ZNF670: variants seen among roughly 807,000 people sequenced by gnomAD.
The protein encoded by ZNF670 is zinc finger protein 670.
In ZNF670, 7 loss-of-function variants were observed where a neutral mutation model predicts 10.9. The ratio of observed to expected loss-of-function variants is 0.64; its 90% CI spans 0.36 to 1.20. ZNF670 has a LOEUF of 1.20. Ranked by LOEUF, ZNF670 falls within the 50% of genes most tolerant of loss-of-function variation. The pLI, the probability that ZNF670 is intolerant of heterozygous loss-of-function variation, is 0.02. For synonymous variants in ZNF670, 136 were observed against 152.7 expected, an observed-to-expected ratio of 0.89 and a Z score of 0.81; for missense variants, 446 against 458.6, an observed-to-expected ratio of 0.97 and a Z score of 0.25.
chr1:247,067,049 C>T (rs1393890344), intron 1 of ZNF670, among the ~76,000 whole-genome samples: 3 of 152,158 alleles, frequency 2.0e-5, no homozygotes, highest in Non-Finnish European at 4.4e-5. Flanking sequence ...GCTGTGCCCC[C>T]AACTACCACA....
chr1:247,073,261 T>C (rs4925614), intron 1 of ZNF670, among the ~76,000 whole-genome samples: 35,813 of 152,092 alleles, frequency 0.24, 4,752 homozygotes, highest in Middle Eastern at 0.36. Context: ...CTTAAATACT[T>C]ACCCAAACTG....
chr1:247,078,111 TC>T lies in ZNF670; in HGVS notation c.3+482del, dbSNP rs1415152499. On this transcript the variant is annotated intron_variant, in intron 1 of 3. Coordinates refer to ENST00000366503, the MANE Select transcript of ZNF670 (RefSeq NM_033213.5). ...TTTAATTGGGTTTGCTTCCTCGGGTTCCTTACAAAAAACCCTTTCCTTCCCC... is the reference window on the plus strand; with the variant it reads ...TTTAATTGGGTTTGCTTCCTCGGGTTCTTACAAAAAACCCTTTCCTTCCCC... Among the ~76,000 whole-genome samples, 5 of 152,222 alleles carry T rather than the reference TC, an allele frequency of 3.3e-5. No homozygotes were observed. The East Asian group carries it at 9.6e-4, about 29-fold the overall frequency.
chr1:247,046,808 A>C (rs1048335328), intron 1 of ZNF670, among the ~76,000 whole-genome samples: 1 of 152,080 alleles, frequency 6.6e-6, no homozygotes, highest in Non-Finnish European at 1.5e-5. Context: ...CAAGCATTTG[A>C]CTCTAGTATG....
intron 1 of ZNF670, among the ~76,000 whole-genome samples, chr1:247,059,517 C>A (rs1442699139): frequency 6.6e-6 from 1 of 151,762 alleles, no homozygotes; most frequent in Non-Finnish European, 1.5e-5. Context: ...AAAATATACA[C>A]CCACCCAAAT....
At chr1:247,063,314 C>A (rs183983116) in intron 1 of ZNF670, among the ~76,000 whole-genome samples, 1 of 152,268 alleles carries the variant, frequency 6.6e-6, no homozygotes, top group Non-Finnish European at 1.5e-5. Context: ...TGGCTCACGC[C>A]TGTAATCCCA....
chr1:247,064,710 G>T (rs1180184394), intron 1 of ZNF670, among the ~76,000 whole-genome samples: 4 of 152,236 alleles, frequency 2.6e-5, no homozygotes, highest in African/African-American at 9.6e-5. Flanking sequence ...GCGGGAGCCA[G>T]ACCTCTGCAA....
chr1:247,076,535 C>T (rs1418895461), intron 1 of ZNF670, among the ~76,000 whole-genome samples: 3 of 152,158 alleles, frequency 2.0e-5, no homozygotes, highest in African/African-American at 7.2e-5. Context: ...GGATTACAGG[C>T]GTGAGCCACC....
At chr1:247,038,504 G>C (rs1572554151) in intron 3 of ZNF670, 77 bp from the exon 4 acceptor site, 2 of 1,397,354 alleles carry the variant, frequency 1.4e-6, no homozygotes, top group Non-Finnish European at 1.9e-6. Context: ...GAAAATGCAA[G>C]TTTCCTGCCA....
intron 1 of ZNF670, among the ~76,000 whole-genome samples, chr1:247,074,011 T>A (rs74765136): frequency 0.014 from 2,191 of 152,228 alleles, 30 homozygotes; most frequent in Non-Finnish European, 0.02. Flanking sequence ...ATGGGGTGAG[T>A]AGGTAATCCT....
intron 1 of ZNF670, among the ~76,000 whole-genome samples, chr1:247,076,502 C>T (rs1018746974): frequency 1.2e-4 from 18 of 152,070 alleles, no homozygotes; most frequent in African/African-American, 3.9e-4. Flanking sequence ...GTGATCCGCC[C>T]GCCTCGGCCT....
At chr1:247,049,323 C>T (rs1670537430) in intron 1 of ZNF670, among the ~76,000 whole-genome samples, 1 of 152,068 alleles carries the variant, frequency 6.6e-6, no homozygotes, top group African/African-American at 2.4e-5. Flanking sequence ...ACCTCGGCTT[C>T]CCAAAGTGCT....
intron 1 of ZNF670, among the ~76,000 whole-genome samples, chr1:247,045,935 G>A (rs1020044764): frequency 2.0e-5 from 3 of 152,182 alleles, no homozygotes; most frequent in Admixed American, 2.0e-4. Context: ...GGTCACCCAT[G>A]TTACACCCTG....
At chr1:247,043,804 T>C (rs970272869) in intron 1 of ZNF670, 2 of 365,640 alleles carry the variant, frequency 5.5e-6, no homozygotes, top group Middle Eastern at 4.8e-4. Context: ...GTTTGATCCA[T>C]TTACTGTTCC....
At chr1:247,058,852 T>C (rs1048518838) in intron 1 of ZNF670, among the ~76,000 whole-genome samples, 1 of 152,014 alleles carries the variant, frequency 6.6e-6, no homozygotes, top group Admixed American at 6.5e-5. Flanking sequence ...AATAGGTCTA[T>C]ACGTATTTTT....
chr1:247,051,265 A>C (rs1227984728), intron 1 of ZNF670, among the ~76,000 whole-genome samples: 1 of 132,134 alleles, frequency 7.6e-6, no homozygotes, highest in Non-Finnish European at 1.6e-5. Flanking sequence ...AAGAAAAAAA[A>C]AAACAAAAAA....
intron 1 of ZNF670, among the ~76,000 whole-genome samples, chr1:247,042,309 C>A (rs776647104): frequency 6.6e-6 from 1 of 152,132 alleles, no homozygotes; most frequent in Non-Finnish European, 1.5e-5. Flanking sequence ...CAAGTCATTG[C>A]GAGAGAAGAC....
In ZNF670 at chr1:247,053,753, A is replaced by C. The variant is rs114017916; in HGVS notation, c.4-14216T>G. ...TGAAAAATTTAAAAACAAAACAAAC[A>C]AACAAAAAACCTAGTAACAGGAGAG... On this transcript the variant is annotated intron_variant, in intron 1 of 3. Transcript: ENST00000366503. Among the ~76,000 whole-genome samples the C allele has an allele frequency of 4.8e-3, 730 of 152,372 alleles. 4 individuals carry two copies. Among genetic ancestry groups the C allele is most frequent in the African/African-American group, 0.017 (705 of 41,586 alleles).
At chr1:247,043,860 T>C (rs572979748) in intron 1 of ZNF670, 13 of 335,692 alleles carry the variant, frequency 3.9e-5, no homozygotes, top group Non-Finnish European at 7.5e-5. Context: ...TTTCCACTAA[T>C]GAAGAGGAAA....
chr1:247,061,183 A>ATTTTT (rs778969843), intron 1 of ZNF670, among the ~76,000 whole-genome samples: 1 of 144,142 alleles, frequency 6.9e-6, no homozygotes. Context: ...TTAAAAGTAA[A>ATTTTT]TTTTTTTTTT....
Sources: gnomAD v4.1 joint callset for allele counts (sites outside exome capture counted in the v4.1 genomes callset) on GRCh38, gnomAD v4.1.1 for gene constraint, MANE v1.5 for transcripts, NCBI Gene and HGNC (gene_info 2026-07-23, HGNC 2026-07-21) for gene names.